The following CDH6 variants were observed in gnomAD, a reference collection of about 807,000 sequenced individuals.
CDH6 encodes cadherin 6, also known as cadherin-6.
In CDH6, 31 loss-of-function variants were observed where a neutral mutation model predicts 78.0. The observed-to-expected ratio is 0.40, with a 90% CI of 0.30 to 0.54. CDH6 has a LOEUF of 0.54. CDH6 is among the 20% of genes least tolerant of loss of function. The pLI, the probability that CDH6 is intolerant of heterozygous loss-of-function variation, is 0.56. For synonymous variants in CDH6, 376 were observed against 368.8 expected (o/e 1.02, Z -0.23); for missense variants, 724 against 975.9 (o/e 0.74, Z 3.44).
At position 31,328,108 on chromosome 5, in the gene CDH6, C is replaced by T. The variant is rs1738655877; in HGVS notation, c.*4800C>T. Reference sequence around the variant, plus strand: ...CGCTGTATTTCAGACAGGACTGAGGCACTTAGCCGAGGAGCCACTGGGTTA... The same window carrying T: ...CGCTGTATTTCAGACAGGACTGAGGTACTTAGCCGAGGAGCCACTGGGTTA... On this transcript the variant is annotated 3_prime_UTR_variant, in exon 12 of 12. Coordinates refer to ENST00000265071, the MANE Select transcript of CDH6 (RefSeq NM_004932.4). 2 of 209,756 alleles carry T rather than the reference C, an allele frequency of 9.5e-6. No homozygotes were observed. Among genetic ancestry groups the T allele is most frequent in the Non-Finnish European group, 1.9e-5 (2 of 103,584 alleles). The allele number at this position is 209,756 out of a possible 1,614,324, so 13.0% of individuals were successfully genotyped here.
At chr5:31,264,248 T>C (rs905015417) in intron 1 of CDH6, among the ~76,000 whole-genome samples, 1 of 152,270 alleles carries the variant, frequency 6.6e-6, no homozygotes, top group African/African-American at 2.4e-5. Context: ...CTGCAGATGT[T>C]TGCAATGTAT....
chr5:31,300,285 C>T (rs1280705130), intron 5 of CDH6, among the ~76,000 whole-genome samples: 2 of 152,092 alleles, frequency 1.3e-5, no homozygotes, highest in Non-Finnish European at 2.9e-5. Context: ...CTAGTTTTAA[C>T]GTAACTTTTC....
At position 31,323,159 on chromosome 5, in the gene CDH6, G is replaced by C. The variant is rs1268970013; in HGVS notation, c.2224G>C (p.Gly742Arg). The change falls in exon 12 of 12, where the codon GGC (glycine) becomes CGC (arginine). Residue 742 changes from glycine (G) to arginine (R), a missense_variant. By Grantham distance (125) the Gly-to-Arg change is moderately radical (BLOSUM62 -2). This residue lies in a region of CDH6 where 220 missense variants were observed against 240.6 expected (regional missense o/e 0.91). Coordinates refer to ENST00000265071, the MANE Select transcript of CDH6 (RefSeq NM_004932.4). Reference protein sequence around the residue: ...YDSLATYAYEGTGSVADSLSS... With the variant: ...YDSLATYAYERTGSVADSLSS... ...CTCCTTGGCCACTTACGCCTATGAA[G>C]GCACTGGCTCCGTGGCGGATTCCCT... 1 of 1,614,180 alleles carries C rather than the reference G, an allele frequency of 6.2e-7. No homozygotes were observed. Among genetic ancestry groups the C allele is most frequent in the Admixed American group, 1.7e-5 (1 of 60,026 alleles).
At chr5:31,287,656 A>G (rs1337828771) in intron 2 of CDH6, among the ~76,000 whole-genome samples, 2 of 152,188 alleles carry the variant, frequency 1.3e-5, no homozygotes, top group Admixed American at 1.3e-4. Flanking sequence ...CCATGCTAGT[A>G]AGTACTATGA....
chr5:31,272,165 G>C (rs1238078145), intron 2 of CDH6, among the ~76,000 whole-genome samples: 4 of 152,154 alleles, frequency 2.6e-5, no homozygotes, highest in African/African-American at 9.7e-5. Context: ...TGCAGAGGGA[G>C]AATTGCCAGG....
At chr5:31,209,068 A>C (rs918166312) in intron 1 of CDH6, among the ~76,000 whole-genome samples, 2 of 152,208 alleles carry the variant, frequency 1.3e-5, no homozygotes, top group East Asian at 1.9e-4. Flanking sequence ...ATAATTCCCT[A>C]TTTAATGTGA....
chr5:31,279,308 T>C (rs899453271), intron 2 of CDH6, among the ~76,000 whole-genome samples: 1 of 152,086 alleles, frequency 6.6e-6, no homozygotes, highest in Non-Finnish European at 1.5e-5. Context: ...TGGCTCATGT[T>C]TGTAATCCAA....
intron 1 of CDH6, among the ~76,000 whole-genome samples, chr5:31,254,336 T>A (rs992710890): frequency 1.3e-5 from 2 of 152,120 alleles, no homozygotes; most frequent in African/African-American, 4.8e-5. Context: ...CTCCACTTAA[T>A]AAGGAAAGAA....
intron 2 of CDH6, among the ~76,000 whole-genome samples, chr5:31,279,440 G>T (rs144191613): frequency 3.5e-4 from 53 of 152,116 alleles, no homozygotes; most frequent in Middle Eastern, 6.8e-3. Flanking sequence ...TTAGCCAGGC[G>T]TGGTGGCATG....
intron 1 of CDH6, among the ~76,000 whole-genome samples, chr5:31,196,644 G>A (rs1281451271): frequency 1.3e-5 from 2 of 152,136 alleles, no homozygotes; most frequent in Admixed American, 1.3e-4. Flanking sequence ...CTGTAGACAA[G>A]TTAGTATTCT....
chr5:31,238,048 A>C (rs1228718080), intron 1 of CDH6, among the ~76,000 whole-genome samples: 1 of 152,218 alleles, frequency 6.6e-6, no homozygotes, highest in African/African-American at 2.4e-5. Context: ...CTCTTTAATG[A>C]AAACTTGAAG....
intron 1 of CDH6, among the ~76,000 whole-genome samples, chr5:31,243,625 T>C (rs1194439318): frequency 2.0e-5 from 3 of 152,170 alleles, no homozygotes; most frequent in African/African-American, 7.2e-5. Flanking sequence ...CTTGCCTGCT[T>C]GACACTTCCC....
At position 31,323,103 on chromosome 5, in the gene CDH6, A is replaced by G; in HGVS notation, c.2168A>G (p.Asn723Ser). The G allele has an allele frequency of 1.2e-6, 2 of 1,614,098 alleles. 1 individual carries two copies. The highest frequency in any genetic ancestry group is 2.7e-5 in the African/African-American group (2 of 74,942). Residue 723 changes from asparagine to serine, a missense_variant, in exon 12 of 12, where the codon AAT (asparagine) becomes AGT (serine). Physicochemically the swap from Asn to Ser is conservative, Grantham distance 46. Transcript: ENST00000265071. ...TTCATTAACCAAAGGTTAAAGGAAA[A>G]TGACACGGACCCCACTGCCCCGCCA... Reference protein sequence around the residue: ...RDFINQRLKENDTDPTAPPYD... With the variant: ...RDFINQRLKESDTDPTAPPYD...
chr5:31,303,213 C>T lies in CDH6; in HGVS notation c.999+915C>T, dbSNP rs150251138. Reference sequence around the variant, plus strand: ...TCTAGGTGCTGGAGGTGCACTGGTACATACAACAGATGTTCTCTGCCCTCA... The same window carrying T: ...TCTAGGTGCTGGAGGTGCACTGGTATATACAACAGATGTTCTCTGCCCTCA... On this transcript the variant is annotated intron_variant, in intron 6 of 11. Coordinates refer to ENST00000265071, the MANE Select transcript of CDH6 (RefSeq NM_004932.4). Among the ~76,000 whole-genome samples the T allele has an allele frequency of 4.8e-3, 727 of 152,222 alleles. 4 individuals are homozygous for T. The highest frequency in any genetic ancestry group is 0.014 in the Middle Eastern group (4 of 294).
In CDH6 at chr5:31,207,690, C is replaced by T. The variant is rs1384562206; in HGVS notation, c.-129+13804C>T. ...ACACATTAGATGTTTGTTGAGAGAA[C>T]AAAAGGAGAGAACTCATTATGAAAC... On this transcript the variant is annotated intron_variant, in intron 1 of 11. Transcript: ENST00000265071. Among the ~76,000 whole-genome samples the T allele has an allele frequency of 2.0e-5, 3 of 152,168 alleles. No individual in the cohort carries two copies. In the East Asian group the frequency reaches 5.8e-4, roughly 29 times the overall value.
At position 31,318,236 on chromosome 5, in the gene CDH6, G is replaced by A. The variant is rs979263589; in HGVS notation, c.1882+312G>A. The stretch of plus-strand genomic sequence containing the variant: ...TAAATGTGCCCTTTTCATTTCATTC[G>A]TTGTGTAATTTTTTTACTTGGAAAA... On this transcript the variant is annotated intron_variant, in intron 11 of 11. Coordinates refer to ENST00000265071, the MANE Select transcript of CDH6 (RefSeq NM_004932.4). 2.1e-5 allele frequency: 12 copies of A among 575,916 alleles called. No individual in the cohort carries two copies. The Admixed American group carries it at 3.0e-4, about 14-fold the overall frequency. 35.7% of individuals were successfully genotyped at this position (575,916 alleles called of 1,614,324 possible).
intron 2 of CDH6, among the ~76,000 whole-genome samples, chr5:31,280,304 C>T (rs932735432): frequency 1.3e-5 from 2 of 152,208 alleles, no homozygotes; most frequent in Non-Finnish European, 1.5e-5. Flanking sequence ...TTGTGTCGAG[C>T]TTTACAGCTT....
chr5:31,318,951 T>C (rs1738401953), intron 11 of CDH6: 1 of 221,536 alleles, frequency 4.5e-6, no homozygotes. Flanking sequence ...GAAACTCAAC[T>C]ACAGAACTGC....
At chr5:31,318,961 C>T (rs138099148) in intron 11 of CDH6, 3 of 220,524 alleles carry the variant, frequency 1.4e-5, no homozygotes, top group East Asian at 1.3e-4. Flanking sequence ...TACAGAACTG[C>T]GATTCTCTTT....
Sources: gnomAD v4.1 joint callset for allele counts (sites outside exome capture counted in the v4.1 genomes callset) on GRCh38, gnomAD v4.1.1 for gene constraint, gnomAD v4.1.1 regional missense constraint, MANE v1.5 for transcripts, NCBI Gene and HGNC (gene_info 2026-07-23, HGNC 2026-07-21) for gene names.